The following IFT56 variants were observed in gnomAD, a reference collection of about 807,000 sequenced individuals.
The protein encoded by IFT56 is intraflagellar transport protein 56.
At chr7:139,138,050 CAA>C in the IFT56 span, 1 of 622,276 alleles carries the variant, frequency 1.6e-6, no homozygotes, top group Non-Finnish European at 2.7e-6. Flanking sequence ...CAGAAGGAAA[CAA>C]AGAGAAGTTA....
chr7:139,155,541 A>T, the IFT56 span, among the ~76,000 whole-genome samples: 1 of 152,070 alleles, frequency 6.6e-6, no homozygotes, highest in Admixed American at 6.5e-5. Context: ...TATGGAGATG[A>T]TCATTTAGTT....
At chr7:139,142,415 G>T in the IFT56 span, 1 of 989,644 alleles carries the variant, frequency 1.0e-6, no homozygotes, top group Admixed American at 2.2e-5. Context: ...CTTGTTAATG[G>T]TTTTCTAGAA....
the IFT56 span, among the ~76,000 whole-genome samples, chr7:139,161,580 G>A: frequency 6.6e-6 from 1 of 152,164 alleles, no homozygotes; most frequent in African/African-American, 2.4e-5. Context: ...GGGAGCACTG[G>A]GCAAATCATC....
At chr7:139,186,465 G>C in the IFT56 span, among the ~76,000 whole-genome samples, 1 of 150,942 alleles carries the variant, frequency 6.6e-6, no homozygotes, top group African/African-American at 2.4e-5. Context: ...TTAAATAAAA[G>C]AAAACTAATC....
the IFT56 span, among the ~76,000 whole-genome samples, chr7:139,150,366 G>A: frequency 6.6e-6 from 1 of 152,072 alleles, no homozygotes; most frequent in South Asian, 2.1e-4. Flanking sequence ...ACCAATTTTG[G>A]TGTGTGGTCC....
the IFT56 span, among the ~76,000 whole-genome samples, chr7:139,171,097 A>T: frequency 1.3e-5 from 2 of 152,194 alleles, no homozygotes; most frequent in Non-Finnish European, 2.9e-5. Context: ...CATTTATAAT[A>T]GCTACCAATA....
At chr7:139,143,995 A>T in the IFT56 span, among the ~76,000 whole-genome samples, 37,638 of 151,956 alleles carry the variant, frequency 0.25, 8,431 homozygotes, top group African/African-American at 0.57. Context: ...AAATTTGAAA[A>T]ATATTTTAAG....
the IFT56 span, chr7:139,179,725 A>C: frequency 8.6e-7 from 1 of 1,163,180 alleles, no homozygotes. Flanking sequence ...ATGACATTGA[A>C]AGTTTTCTAA....
At chr7:139,177,591 T>C in the IFT56 span, among the ~76,000 whole-genome samples, 1 of 147,138 alleles carries the variant, frequency 6.8e-6, no homozygotes, top group African/African-American at 2.6e-5. Context: ...GTATATCTGA[T>C]CGGATATACA....
the IFT56 span, among the ~76,000 whole-genome samples, chr7:139,143,741 T>C: frequency 6.6e-6 from 1 of 152,146 alleles, no homozygotes; most frequent in African/African-American, 2.4e-5. Flanking sequence ...GCCCAGCTGG[T>C]CCATGTGGTC....
the IFT56 span, chr7:139,169,355 A>G: frequency 1.2e-6 from 2 of 1,613,724 alleles, no homozygotes; most frequent in Non-Finnish European, 1.7e-6. Context: ...TGAATGTGGT[A>G]TGTCTGAAAT....
the IFT56 span, chr7:139,165,131 G>T: frequency 6.2e-7 from 1 of 1,610,658 alleles, no homozygotes; most frequent in South Asian, 1.1e-5. Context: ...TGTATCTCTA[G>T]GTTGTTTTCC....
the IFT56 span, among the ~76,000 whole-genome samples, chr7:139,179,866 T>C: frequency 2.6e-5 from 4 of 152,206 alleles, no homozygotes; most frequent in African/African-American, 9.7e-5. Context: ...TATATAGCAT[T>C]GACCTAGTAC....
At chr7:139,173,526 G>A in the IFT56 span, 1 of 761,080 alleles carries the variant, frequency 1.3e-6, no homozygotes, top group East Asian at 2.5e-5. Context: ...ACCGCACCCG[G>A]CAAAGTCACC....
the IFT56 span, chr7:139,169,334 G>C: frequency 1.9e-6 from 3 of 1,614,034 alleles, no homozygotes; most frequent in Non-Finnish European, 2.5e-6. Context: ...GTTGGTGGGA[G>C]GATCAGCTAG....
the IFT56 span, among the ~76,000 whole-genome samples, chr7:139,183,201 G>A: frequency 6.4e-3 from 966 of 150,906 alleles, 17 homozygotes; most frequent in African/African-American, 0.023. Context: ...AGGGGAATAG[G>A]GTTAACATCA....
chr7:139,155,952 T>A, the IFT56 span, among the ~76,000 whole-genome samples: 1 of 152,142 alleles, frequency 6.6e-6, no homozygotes, highest in Non-Finnish European at 1.5e-5. Context: ...ATTTAGGGAT[T>A]GCATTGACTC....
chr7:139,191,719 CT>C, the IFT56 span: 2 of 152,170 alleles, frequency 1.3e-5, no homozygotes, highest in South Asian at 4.1e-4. Flanking sequence ...AAGATAGCTA[CT>C]TCTGAAATGT....
At chr7:139,175,831 T>G in the IFT56 span, among the ~76,000 whole-genome samples, 2 of 151,928 alleles carry the variant, frequency 1.3e-5, no homozygotes, top group Admixed American at 1.3e-4. Flanking sequence ...TTTGTTTGTT[T>G]GTTTGTTTTG....
Sources: gnomAD v4.1 joint callset for allele counts (sites outside exome capture counted in the v4.1 genomes callset) on GRCh38, gnomAD v4.1.1 for gene constraint, MANE v1.5 for transcripts, NCBI Gene and HGNC (gene_info 2026-07-23, HGNC 2026-07-21) for gene names.